The following SLC22A25 variants were observed in gnomAD, a reference collection of about 807,000 sequenced individuals.
SLC22A25 encodes the protein solute carrier family 22 member 25, also known as MGI:2442751, MGI:2385316, MGI:3042283, MGI:3645714, MGI:3605624, MGI:2442750.
SLC22A25 carries 44 observed loss-of-function variants against 45.9 expected under a neutral mutation model. The observed-to-expected ratio is 0.96, with a 90% CI of 0.75 to 1.23. The LOEUF is 1.23. SLC22A25 is among the 50% of genes most tolerant of loss of function. SLC22A25 has a pLI of 0.00. For synonymous variants in SLC22A25, 283 were observed against 238.6 expected (o/e 1.19, Z -1.72); for missense variants, 800 against 666.4 (o/e 1.20, Z -2.21).
chr11:63,169,004 T>C lies in SLC22A25; in HGVS notation c.1071-2746A>G, dbSNP rs149581789. Among the ~76,000 whole-genome samples, 334 of 152,196 alleles carry C rather than the reference T, an allele frequency of 2.2e-3. 1 individual carries two copies. Among genetic ancestry groups the C allele is most frequent in the African/African-American group, 7.2e-3 (301 of 41,530 alleles). The stretch of plus-strand genomic sequence containing the variant: ...ACCCTACAATCCAGAAGAGAGTGAA[T>C]GCCAATATTCAACATTCTTAAAATA... On this transcript the variant is annotated intron_variant, in intron 9 of 11. Coordinates refer to ENST00000306494, the MANE Select transcript of SLC22A25 (RefSeq NM_199352.6).
intron 3 of SLC22A25, among the ~76,000 whole-genome samples, chr11:63,236,220 G>T (rs1254244231): frequency 6.6e-6 from 1 of 152,186 alleles, no homozygotes; most frequent in Non-Finnish European, 1.5e-5. Flanking sequence ...TCTTTTGTTT[G>T]TCTGTGCCCT....
rs2087533217 is a variant in SLC22A25 at position 63,161,529 on chromosome 11, G to A, written c.*2295C>T. On this transcript the variant is annotated 3_prime_UTR_variant, in exon 12 of 12. Coordinates refer to ENST00000306494, the MANE Select transcript of SLC22A25 (RefSeq NM_199352.6). ...CCAGTGGGAGGTAACTGAATCATGG[G>A]GGTGAGTGTTTCCCATGCTCTTCCT... Among the ~76,000 whole-genome samples the A allele has an allele frequency of 3.9e-5, 6 of 152,214 alleles. No individual in the cohort carries two copies. Among genetic ancestry groups the A allele is most frequent in the Admixed American group, 3.9e-4 (6 of 15,288 alleles).
chr11:63,211,505 C>T (rs1238080107), intron 7 of SLC22A25, among the ~76,000 whole-genome samples: 1 of 152,072 alleles, frequency 6.6e-6, no homozygotes, highest in Non-Finnish European at 1.5e-5. Flanking sequence ...CCAAAGTCAG[C>T]CTATATTTGC....
At chr11:63,175,466 G>T (rs1482060946) in intron 9 of SLC22A25, among the ~76,000 whole-genome samples, 1 of 152,006 alleles carries the variant, frequency 6.6e-6, no homozygotes, top group Non-Finnish European at 1.5e-5. Flanking sequence ...TGCATTCATG[G>T]TAGTGAGTTG....
At chr11:63,243,162 C>T (rs1036549126) in intron 1 of SLC22A25, 94 of 204,544 alleles carry the variant, frequency 4.6e-4, no homozygotes, top group Non-Finnish European at 3.4e-4. Flanking sequence ...TTGACCGTGT[C>T]CTGAAGAACC....
At chr11:63,201,360 A>G (rs1454542856) in intron 7 of SLC22A25, among the ~76,000 whole-genome samples, 4 of 152,172 alleles carry the variant, frequency 2.6e-5, no homozygotes, top group Admixed American at 1.3e-4. Flanking sequence ...CCAAACACCT[A>G]CAACTCTCTG....
rs150920552 is a variant in SLC22A25 at position 63,229,569 on chromosome 11, G to C, written c.84C>G (p.Asn28Lys). ...GCTGAGTTTGATGGTATACTATGAC[G>C]TTGAACATTATAAGGAAAACCATCT... Reference protein sequence around the residue: ...ILQMVFLIMFNVIVYHQTQLE... With the variant: ...ILQMVFLIMFKVIVYHQTQLE... Residue 28 changes from asparagine to lysine, a missense_variant, in exon 4 of 12, where the codon AAC becomes AAG. Physicochemically the swap from Asn to Lys is moderately conservative, Grantham distance 94. Transcript: ENST00000306494. 1.2e-6 allele frequency: 2 copies of C among 1,613,914 alleles called. No homozygotes were observed. Among genetic ancestry groups the C allele is most frequent in the Non-Finnish European group, 1.7e-6 (2 of 1,179,948 alleles).
At chr11:63,180,301 C>G (rs1426973804) in intron 9 of SLC22A25, among the ~76,000 whole-genome samples, 1 of 152,070 alleles carries the variant, frequency 6.6e-6, no homozygotes, top group Non-Finnish European at 1.5e-5. Context: ...ATATTAATAA[C>G]TGGTAATATT....
At chr11:63,191,589 C>T (rs1308457166) in intron 7 of SLC22A25, among the ~76,000 whole-genome samples, 1 of 152,142 alleles carries the variant, frequency 6.6e-6, no homozygotes, top group Non-Finnish European at 1.5e-5. Flanking sequence ...TTGAGATGAA[C>T]CTGGTACCTC....
At chr11:63,175,322 G>T (rs2088046381) in intron 9 of SLC22A25, among the ~76,000 whole-genome samples, 1 of 151,946 alleles carries the variant, frequency 6.6e-6, no homozygotes, top group South Asian at 2.1e-4. Context: ...CAGATTTGAA[G>T]TAATATCTGA....
chr11:63,230,144 TTTGA>T (rs1478592417), intron 3 of SLC22A25, among the ~76,000 whole-genome samples, 48 bp from the exon 4 acceptor site: 2 of 152,212 alleles, frequency 1.3e-5, no homozygotes, highest in African/African-American at 4.8e-5. Context: ...AGTACCAATT[TTTGA>T]TTAAGGATTA....
chr11:63,191,996 C>T (rs372098401), intron 7 of SLC22A25, among the ~76,000 whole-genome samples: 179 of 152,240 alleles, frequency 1.2e-3, no homozygotes, highest in African/African-American at 4.1e-3. Context: ...CAGTAAGATA[C>T]TTCACAAGAA....
chr11:63,192,944 A>C (rs1295332515), intron 7 of SLC22A25, among the ~76,000 whole-genome samples: 6 of 152,210 alleles, frequency 3.9e-5, no homozygotes, highest in Non-Finnish European at 8.8e-5. Flanking sequence ...AAAATTAACA[A>C]AGATATTCAG....
At chr11:63,195,190 C>A (rs113202096) in intron 7 of SLC22A25, among the ~76,000 whole-genome samples, 19,302 of 151,940 alleles carry the variant, frequency 0.13, 2,294 homozygotes, top group African/African-American at 0.32. Flanking sequence ...CATTAGACAG[C>A]TCAGTGAGAC....
At chr11:63,240,728 T>A (rs969142905) in intron 1 of SLC22A25, among the ~76,000 whole-genome samples, 1 of 152,210 alleles carries the variant, frequency 6.6e-6, no homozygotes, top group Non-Finnish European at 1.5e-5. Flanking sequence ...CACAAGGTCA[T>A]AATCATTAAT....
intron 9 of SLC22A25, among the ~76,000 whole-genome samples, chr11:63,177,839 G>GTATATATATATAATTTATATATATAA (rs1565070589): frequency 1.4e-4 from 7 of 51,762 alleles, no homozygotes; most frequent in East Asian, 9.1e-4. Flanking sequence ...TATATAATGT[G>GTATATATATATAATTTATATATATAA]TATATATATA....
At chr11:63,186,848 T>G (rs1406823238) in intron 7 of SLC22A25, among the ~76,000 whole-genome samples, 1 of 152,102 alleles carries the variant, frequency 6.6e-6, no homozygotes, top group Non-Finnish European at 1.5e-5. Context: ...AAAGATCAGA[T>G]AGTTGTAGAT....
chr11:63,170,634 A>T (rs984396567), intron 9 of SLC22A25, among the ~76,000 whole-genome samples: 2 of 152,186 alleles, frequency 1.3e-5, no homozygotes, highest in Non-Finnish European at 2.9e-5. Flanking sequence ...GAATCCCTGA[A>T]TAGACCAATA....
intron 7 of SLC22A25, among the ~76,000 whole-genome samples, chr11:63,199,663 G>A (rs2089175645): frequency 6.6e-6 from 1 of 151,952 alleles, no homozygotes; most frequent in African/African-American, 2.4e-5. Context: ...AGCCTGCCCA[G>A]CTACTTAGGT....
Sources: allele counts gnomAD v4.1 joint callset (sites outside exome capture counted in the v4.1 genomes callset), GRCh38; gene constraint gnomAD v4.1.1; transcripts MANE v1.5; gene names NCBI Gene and HGNC (gene_info 2026-07-23, HGNC 2026-07-21).